PSPC1: variants seen among roughly 807,000 people sequenced by gnomAD.
PSPC1 encodes the protein paraspeckle protein 1.
In PSPC1, 14 loss-of-function variants were observed where a neutral mutation model predicts 51.6. The ratio of observed to expected loss-of-function variants is 0.27; its 90% CI spans 0.18 to 0.42. The LOEUF is 0.42. PSPC1 is among the 10% of genes least tolerant of loss of function. PSPC1 has a pLI of 1.00. For synonymous variants in PSPC1, 193 were observed against 231.9 expected (o/e 0.83, Z 1.53); for missense variants, 406 against 701.1 (o/e 0.58, Z 4.75).
rs529209513 is a variant in PSPC1 at position 19,760,578 on chromosome 13, C to T, written c.675-1160G>A. Among the ~76,000 whole-genome samples, 4 of 151,626 alleles carry T rather than the reference C, an allele frequency of 2.6e-5. No individual in the cohort carries two copies. The South Asian group carries it at 8.3e-4, about 32-fold the overall frequency. The stretch of plus-strand genomic sequence containing the variant: ...GAAAATCCGACCTAAAACATTTCGG[C>T]GAAGTGGCTCAAACCTGTAATTCTA... On this transcript the variant is annotated intron_variant, in intron 2 of 8. Transcript: ENST00000338910.
rs575362596 is a variant in PSPC1 at position 19,782,229 on chromosome 13, A to G, written c.372+157T>C. Among the ~76,000 whole-genome samples the G allele has an allele frequency of 6.6e-6, 1 of 152,328 alleles. No homozygotes were observed. Among genetic ancestry groups the G allele is most frequent in the Admixed American group, 6.5e-5 (1 of 15,292 alleles). ...GAAACCAAAGGCGCCGAGCTGGGGAAGCGGCCAACCCCGCACAGAGGAATC... is the reference window on the plus strand; with the variant it reads ...GAAACCAAAGGCGCCGAGCTGGGGAGGCGGCCAACCCCGCACAGAGGAATC... On this transcript the variant is annotated intron_variant, in intron 1 of 8. Coordinates refer to ENST00000338910, the MANE Select transcript of PSPC1 (RefSeq NM_001354909.2). This position sits in a 1 kb window ranked among gnomAD's most constrained non-coding sequence, Gnocchi z 4.5.
chr13:19,762,050 C>G (rs920206932), intron 2 of PSPC1, among the ~76,000 whole-genome samples: 1 of 152,198 alleles, frequency 6.6e-6, no homozygotes, highest in South Asian at 2.1e-4. Context: ...CATCTCTGTA[C>G]TCTCAAATAT....
chr13:19,728,439 A>AACACACACACACACACACACAC (rs56662113), intron 6 of PSPC1, among the ~76,000 whole-genome samples: 8 of 144,342 alleles, frequency 5.5e-5, no homozygotes, highest in African/African-American at 1.1e-4. Context: ...TCAAAGCTTA[A>AACACACACACACACACACACAC]ACACACACAC....
At chr13:19,689,155 G>A (rs1878272949) in intron 6 of PSPC1, among the ~76,000 whole-genome samples, 1 of 152,180 alleles carries the variant, frequency 6.6e-6, no homozygotes, top group South Asian at 2.1e-4. Context: ...CCAACCCAGA[G>A]AAGCACTGAG....
At chr13:19,780,163 G>A (rs1889778283) in intron 1 of PSPC1, among the ~76,000 whole-genome samples, 1 of 84,774 alleles carries the variant, frequency 1.2e-5, no homozygotes. Flanking sequence ...CGCCCGGCCA[G>A]CCGCCCCGTC....
At chr13:19,693,167 C>A (rs1037777299) in intron 6 of PSPC1, among the ~76,000 whole-genome samples, 1 of 152,142 alleles carries the variant, frequency 6.6e-6, no homozygotes, top group Non-Finnish European at 1.5e-5. Flanking sequence ...TGTTGCCACC[C>A]CACAATGCTC....
In PSPC1 at chr13:19,750,738, C is replaced by G. The variant is rs1419957076; in HGVS notation, c.967+533G>C. Among the ~76,000 whole-genome samples, 9 of 151,866 alleles carry G rather than the reference C, an allele frequency of 5.9e-5. No homozygotes were observed. In the Admixed American group the frequency reaches 5.9e-4, roughly 10 times the overall value. On this transcript the variant is annotated intron_variant, in intron 4 of 8. Transcript: ENST00000338910. ...GCACAATTTAATACCCGCAAATTAC[C>G]TCCAACACTACTGCTTGCATAAGTA...
chr13:19,690,387 G>A (rs569738039), intron 6 of PSPC1, among the ~76,000 whole-genome samples: 2 of 152,172 alleles, frequency 1.3e-5, no homozygotes, highest in Non-Finnish European at 2.9e-5. Context: ...AGCATTTCCT[G>A]ACGAGTTGCT....
At chr13:19,696,737 C>G (rs1879309152) in intron 6 of PSPC1, among the ~76,000 whole-genome samples, 1 of 152,104 alleles carries the variant, frequency 6.6e-6, no homozygotes. Context: ...TTTCTAGCAC[C>G]TTCATCCAGC....
chr13:19,750,046 A>T (rs1474145401), intron 4 of PSPC1, among the ~76,000 whole-genome samples: 1 of 152,192 alleles, frequency 6.6e-6, no homozygotes, highest in East Asian at 1.9e-4. Flanking sequence ...CACACATAAC[A>T]AAAAAACCTA....
chr13:19,712,711 C>A (rs1242244670), intron 6 of PSPC1, among the ~76,000 whole-genome samples: 1 of 151,812 alleles, frequency 6.6e-6, no homozygotes, highest in East Asian at 1.9e-4. Flanking sequence ...TATTAAAATA[C>A]CAATTCATGA....
At chr13:19,673,087 G>T (rs889036614), downstream of PSPC1, 5 of 52,588 alleles carry the variant, frequency 9.5e-5, no homozygotes, top group Admixed American at 5.6e-4. Context: ...GAACCTATAC[G>T]GTTTTTTTTT....
chr13:19,776,787 G>A lies in PSPC1; in HGVS notation c.373-4244C>T, dbSNP rs9550592. 9.8e-3 allele frequency among the ~76,000 whole-genome samples: 1,477 copies of A among 151,226 alleles called. 24 individuals carry two copies. Among genetic ancestry groups the A allele is most frequent in the African/African-American group, 0.034 (1,401 of 41,324 alleles). On this transcript the variant is annotated intron_variant, in intron 1 of 8. Coordinates refer to ENST00000338910, the MANE Select transcript of PSPC1 (RefSeq NM_001354909.2). ...CTCCCAAAGTTCTGGGATTACAGGC[G>A]TGAGCCACCGCGCCCGGCCTACTAT...
At position 19,728,192 on chromosome 13, in the gene PSPC1, T is replaced by C. The variant is rs370058598; in HGVS notation, c.1158+2047A>G. Among the ~76,000 whole-genome samples, 14 of 152,286 alleles carry C rather than the reference T, an allele frequency of 9.2e-5. No individual in the cohort carries two copies. In the East Asian group the frequency reaches 1.3e-3, roughly 15 times the overall value. On this transcript the variant is annotated intron_variant, in intron 6 of 8. Transcript: ENST00000338910. ...TCACTCTTTCTTTGTTACATGAAAT[T>C]ATTATTTAAAATGTGAAATATGTAA...
intron 2 of PSPC1, among the ~76,000 whole-genome samples, chr13:19,770,069 A>G (rs1888478346): frequency 6.6e-6 from 1 of 152,192 alleles, no homozygotes; most frequent in Admixed American, 6.6e-5. Context: ...TTATGTCCAT[A>G]CCATGGAATA....
chr13:19,778,456 C>G (rs1052692684), intron 1 of PSPC1, among the ~76,000 whole-genome samples: 1 of 133,326 alleles, frequency 7.5e-6, no homozygotes, highest in Non-Finnish European at 1.6e-5. Context: ...GTACTGCTGC[C>G]ATCTCGGCTC....
intron 6 of PSPC1, among the ~76,000 whole-genome samples, chr13:19,691,758 A>T (rs915663647): frequency 3.9e-5 from 6 of 152,058 alleles, no homozygotes; most frequent in Non-Finnish European, 8.8e-5. Context: ...ATCCCTACAA[A>T]AACACAAATA....
chr13:19,779,672 G>C (rs545854886), intron 1 of PSPC1, among the ~76,000 whole-genome samples: 3 of 88,262 alleles, frequency 3.4e-5, no homozygotes, highest in African/African-American at 9.1e-5. Context: ...CGCCCCGTCC[G>C]GGAGGGAGGT....
At chr13:19,766,040 T>C (rs1232193089) in intron 2 of PSPC1, among the ~76,000 whole-genome samples, 26 of 152,204 alleles carry the variant, frequency 1.7e-4, no homozygotes, top group Admixed American at 1.5e-3. Flanking sequence ...ATTTTTGTAC[T>C]CTTCTGCACA....
Sources: gnomAD v4.1 joint callset for allele counts (sites outside exome capture counted in the v4.1 genomes callset) on GRCh38, gnomAD v4.1.1 for gene constraint, Gnocchi (gnomAD v3.1) non-coding constraint, MANE v1.5 for transcripts, NCBI Gene and HGNC (gene_info 2026-07-23, HGNC 2026-07-21) for gene names.